TAF1A: variants seen among roughly 807,000 people sequenced by gnomAD.
The protein encoded by TAF1A is TATA-box binding protein associated factor, RNA polymerase I subunit A, also known as TATA box-binding protein-associated factor RNA polymerase I subunit A.
A neutral mutation model predicts 61.6 loss-of-function variants in TAF1A; 42 were observed. The ratio of observed to expected loss-of-function variants is 0.68; its 90% CI spans 0.53 to 0.88. The LOEUF (loss-of-function observed/expected upper bound fraction) is 0.88. Among genes scored for constraint, TAF1A ranks in the 40% least tolerant of loss-of-function variants. TAF1A has a pLI of 0.00. For missense variants in TAF1A, 424 were observed against 518.7 expected, an observed-to-expected ratio of 0.82 and a Z score of 1.77; for synonymous variants, 179 against 177.7, an observed-to-expected ratio of 1.01 and a Z score of -0.06.
intron 5 of TAF1A, among the ~76,000 whole-genome samples, chr1:222,576,726 T>C (rs1660585589): frequency 6.6e-6 from 1 of 152,218 alleles, no homozygotes. Context: ...AAACATATTA[T>C]TCTGAGAAAT....
intron 5 of TAF1A, among the ~76,000 whole-genome samples, chr1:222,572,006 C>G (rs1358850714): frequency 2.0e-5 from 3 of 152,106 alleles, no homozygotes; most frequent in Non-Finnish European, 2.9e-5. Context: ...CACCTGAGGT[C>G]AGGAGTTCGA....
intron 4 of TAF1A, among the ~76,000 whole-genome samples, chr1:222,578,860 T>C (rs1386519870): frequency 3.3e-5 from 5 of 152,090 alleles, no homozygotes; most frequent in Non-Finnish European, 5.9e-5. Flanking sequence ...ACAAAAAAAA[T>C]TGTATTATCT....
At chr1:222,580,239 C>T (rs1051705137) in intron 3 of TAF1A, among the ~76,000 whole-genome samples, 3 of 152,138 alleles carry the variant, frequency 2.0e-5, no homozygotes, top group Non-Finnish European at 4.4e-5. Context: ...CTTCATTGGT[C>T]TCAGCCTCTT....
At chr1:222,586,093 T>C (rs942911317) in intron 2 of TAF1A, among the ~76,000 whole-genome samples, 1 of 152,188 alleles carries the variant, frequency 6.6e-6, no homozygotes, top group African/African-American at 2.4e-5. Flanking sequence ...TGAATGTACA[T>C]ACAAATCACC....
chr1:222,585,791 T>G (rs1048137119), intron 2 of TAF1A, among the ~76,000 whole-genome samples: 32 of 151,952 alleles, frequency 2.1e-4, no homozygotes, highest in African/African-American at 7.3e-4. Context: ...AAAATGTCCA[T>G]CTATTAAAAG....
chr1:222,588,396 A>G, intron 2 of TAF1A, 47 bp downstream of exon 2: 17 of 1,596,572 alleles, frequency 1.1e-5, no homozygotes, highest in Non-Finnish European at 1.4e-5. Flanking sequence ...ATTGAATCTT[A>G]CCACCTCCTT....
intron 10 of TAF1A, among the ~76,000 whole-genome samples, chr1:222,560,578 C>T (rs1313732329): frequency 6.6e-6 from 1 of 152,168 alleles, no homozygotes; most frequent in Non-Finnish European, 1.5e-5. Flanking sequence ...CTTTCTGTTC[C>T]TTGTCATCAG....
intron 2 of TAF1A, among the ~76,000 whole-genome samples, chr1:222,584,723 G>C (rs575711355): frequency 1.3e-5 from 2 of 152,220 alleles, no homozygotes; most frequent in Admixed American, 1.3e-4. Context: ...TATTTTTTAA[G>C]GACCAAATTC....
Position 222,573,245 on chromosome 1 carries a change from C to T in TAF1A, c.605-2580G>A, listed in dbSNP as rs147140561. On this transcript the variant is annotated intron_variant, in intron 5 of 10. Transcript: ENST00000352967. ...GATTGCGCCACTTGCACTCCTGCCTCGGTGACAGAGTGAGACTCCGTCTCA... is the reference window on the plus strand; with the variant it reads ...GATTGCGCCACTTGCACTCCTGCCTTGGTGACAGAGTGAGACTCCGTCTCA... Among the ~76,000 whole-genome samples the T allele has an allele frequency of 8.1e-3, 1,224 of 151,916 alleles. 11 individuals are homozygous for T. The highest frequency in any genetic ancestry group is 0.011 in the Non-Finnish European group (766 of 67,950).
At chr1:222,572,903 A>T (rs2102656600) in intron 5 of TAF1A, among the ~76,000 whole-genome samples, 2 of 152,360 alleles carry the variant, frequency 1.3e-5, no homozygotes, top group South Asian at 4.1e-4. Context: ...ACCACAAGCA[A>T]CAAAAGAAGA....
chr1:222,589,337 C>G (rs898638815), intron 1 of TAF1A, among the ~76,000 whole-genome samples: 3 of 152,202 alleles, frequency 2.0e-5, no homozygotes, highest in Non-Finnish European at 2.9e-5. Context: ...AAGACCCCTT[C>G]AAACAGTGCC....
At position 222,588,520 on chromosome 1, in the gene TAF1A, T is replaced by G; in HGVS notation, c.44A>C (p.Asp15Ala). The change falls in exon 2 of 11, where the codon GAT becomes GCT. Residue 15 changes from aspartate (D) to alanine (A), a missense_variant. Coordinates refer to ENST00000352967, the MANE Select transcript of TAF1A (RefSeq NM_005681.4). ...GAGCACAGATGTTTCCACTTCTTCA[T>G]CATCTGTCACAGGCCCTTTTAATTC... Reference protein sequence around the residue: ...SEELKGPVTDDEEVETSVLSG... With the variant: ...SEELKGPVTDAEEVETSVLSG... 1 of 1,614,016 alleles carries G rather than the reference T, an allele frequency of 6.2e-7. No homozygotes were observed. The highest frequency in any genetic ancestry group is 8.5e-7 in the Non-Finnish European group (1 of 1,179,910).
At chr1:222,572,588 G>A (rs775829708) in intron 5 of TAF1A, among the ~76,000 whole-genome samples, 3 of 152,082 alleles carry the variant, frequency 2.0e-5, no homozygotes, top group African/African-American at 4.8e-5. Context: ...GAACTCCTGA[G>A]GGCTCATGCG....
chr1:222,555,616 G>A (rs140687372), downstream of TAF1A, among the ~76,000 whole-genome samples: 10 of 152,228 alleles, frequency 6.6e-5, no homozygotes, highest in East Asian at 1.9e-3. Flanking sequence ...CAAGATGAAC[G>A]ATTTCTGGAT....
intron 7 of TAF1A, among the ~76,000 whole-genome samples, chr1:222,565,302 T>C (rs1439954144): frequency 6.6e-6 from 1 of 152,270 alleles, no homozygotes; most frequent in African/African-American, 2.4e-5. Context: ...ATCCTTTTTG[T>C]TCTCCATGGT....
In TAF1A at chr1:222,589,896, A is replaced by G. The variant is rs1361844983; in HGVS notation, c.-172T>C. On this transcript the variant is annotated 5_prime_UTR_variant, in exon 1 of 11. Transcript: ENST00000352967. ...CCCGGCTCGTAACTCCTCCTGCTGC[A>G]GCAGGCGTATCGTTGGCCTCGCCTC... 2.5e-6 allele frequency: 1 copy of G among 396,884 alleles called. No homozygotes were observed. The highest frequency in any genetic ancestry group is 3.6e-5 in the East Asian group (1 of 28,028). The allele number at this position is 396,884 out of a possible 1,614,324, so 24.6% of individuals were successfully genotyped here.
chr1:222,587,156 C>T (rs899847600), intron 2 of TAF1A, among the ~76,000 whole-genome samples: 2 of 152,144 alleles, frequency 1.3e-5, no homozygotes, highest in African/African-American at 4.8e-5. Context: ...AAGCCATGTG[C>T]ATTAATCTAG....
At chr1:222,572,394 C>G (rs1660395869) in intron 5 of TAF1A, among the ~76,000 whole-genome samples, 1 of 152,132 alleles carries the variant, frequency 6.6e-6, no homozygotes, top group Non-Finnish European at 1.5e-5. Flanking sequence ...TACTTTGTCT[C>G]CCAGGCTGGA....
chr1:222,565,840 T>C (rs1232161328), intron 7 of TAF1A, among the ~76,000 whole-genome samples: 1 of 152,172 alleles, frequency 6.6e-6, no homozygotes. Context: ...CACTCCAGCT[T>C]GGGCAACAGA....
Sources: gnomAD v4.1 joint callset for allele counts (sites outside exome capture counted in the v4.1 genomes callset) on GRCh38, gnomAD v4.1.1 for gene constraint, MANE v1.5 for transcripts, NCBI Gene and HGNC (gene_info 2026-07-23, HGNC 2026-07-21) for gene names.